ATR: variants seen among roughly 807,000 people sequenced by gnomAD.
The protein encoded by ATR is serine/threonine-protein kinase ATR.
ATR carries 142 observed loss-of-function variants against 305.3 expected under a neutral mutation model. The observed-to-expected ratio is 0.47, with a 90% CI of 0.41 to 0.53. The LOEUF is 0.53. Among genes scored for constraint, ATR ranks in the 20% least tolerant of loss-of-function variants. The pLI is 0.00. For missense variants in ATR, 2,135 were observed against 3,133.1 expected (o/e 0.68, Z 7.60); for synonymous variants, 1,050 against 1,068.1 (o/e 0.98, Z 0.33).
intron 1 of ATR, among the ~76,000 whole-genome samples, chr3:142,571,525 C>T (rs1488178294): frequency 6.6e-6 from 1 of 151,974 alleles, no homozygotes; most frequent in African/African-American, 2.4e-5. Context: ...AAGCAAGTAT[C>T]ATGTACACCC....
intron 28 of ATR, among the ~76,000 whole-genome samples, chr3:142,507,527 T>C (rs956291586): frequency 2.8e-4 from 43 of 152,252 alleles, no homozygotes; most frequent in African/African-American, 1.0e-3. Context: ...AAAAGTCTTC[T>C]ATTATTTGTG....
At chr3:142,452,981 T>C (rs2070825377) in intron 46 of ATR, 147 bp downstream of exon 46, 12 of 1,514,294 alleles carry the variant, frequency 7.9e-6, no homozygotes, top group African/African-American at 1.4e-5. Context: ...ATTGTGATAC[T>C]AGAGAACTAG....
rs975772949 is a variant in ATR, at chr3:142,515,317, T to G, written c.4503+78A>C. 6 of 1,548,926 alleles carry G rather than the reference T, an allele frequency of 3.9e-6. No homozygotes were observed. The African/African-American group carries it at 6.8e-5, about 18-fold the overall frequency. On this transcript the variant is annotated intron_variant, in intron 25 of 46. Transcript: ENST00000350721. ...CACAAATACTTCAATGATTATTGTG[T>G]GTGCTAGGCATTCAGATAGATGTTC... is the stretch of plus-strand genomic sequence containing the variant.
At chr3:142,558,507 G>A (rs982581240) in intron 8 of ATR, 117 bp downstream of exon 8, 2 of 928,450 alleles carry the variant, frequency 2.2e-6, no homozygotes, top group Non-Finnish European at 2.8e-6. Context: ...GGGCGACAGA[G>A]TAAGACTCCG....
chr3:142,512,066 C>T (rs1301752064), intron 27 of ATR, among the ~76,000 whole-genome samples, 194 bp downstream of exon 27: 2 of 151,742 alleles, frequency 1.3e-5, no homozygotes, highest in African/African-American at 2.4e-5. Flanking sequence ...TGCAGTGAGC[C>T]GAGGTCACGC....
chr3:142,534,956 A>T, intron 21 of ATR, 124 bp downstream of exon 21: 1 of 1,085,754 alleles, frequency 9.2e-7, no homozygotes, highest in Non-Finnish European at 1.3e-6. Flanking sequence ...AGATCTGATA[A>T]TTCAGGTAAA....
chr3:142,461,820 C>A (rs2071028058), intron 42 of ATR, 120 bp downstream of exon 42: 1 of 1,087,544 alleles, frequency 9.2e-7, no homozygotes, highest in South Asian at 1.5e-5. Context: ...TATATAAAAT[C>A]TAGAAATTTC....
chr3:142,457,707 T>C lies in ATR; in HGVS notation c.7552A>G (p.Asn2518Asp). 1 of 1,614,060 alleles carries C rather than the reference T, an allele frequency of 6.2e-7. No homozygotes were observed. Residue 2518 changes from asparagine (N) to aspartate (D), a missense_variant, in exon 45 of 47, where the codon AAT becomes GAT. Transcript: ENST00000350721. The stretch of plus-strand genomic sequence containing the variant: ...ATAGGACCCATTCCATTAACCATAT[T>C]ATGAGTCAGGCGAAATGGCACAATT... ...PEIVPFRLTH[N>D]MVNGMGPMGT... is the part of the protein sequence containing the mutation.
chr3:142,569,062 G>C (rs2035174093), intron 1 of ATR, among the ~76,000 whole-genome samples: 1 of 152,146 alleles, frequency 6.6e-6, no homozygotes, highest in Non-Finnish European at 1.5e-5. Flanking sequence ...TTGAAGCCTG[G>C]AAGCCTGGCT....
intron 8 of ATR, 59 bp downstream of exon 8, chr3:142,558,565 G>A (rs376644276): frequency 7.5e-5 from 95 of 1,263,956 alleles, no homozygotes; most frequent in African/African-American, 5.2e-4. Context: ...TAAATAGATA[G>A]ATAGATAGAT....
At chr3:142,502,837 A>C (rs1445190023) in intron 30 of ATR, among the ~76,000 whole-genome samples, 2 of 152,242 alleles carry the variant, frequency 1.3e-5, no homozygotes, top group African/African-American at 2.4e-5. Context: ...TTTAATCTCC[A>C]AACTGGAAGA....
At chr3:142,486,084 T>C (rs974543955) in intron 35 of ATR, among the ~76,000 whole-genome samples, 1 of 152,268 alleles carries the variant, frequency 6.6e-6, no homozygotes, top group Non-Finnish European at 1.5e-5. Context: ...TCATTTCTTT[T>C]TGCTGTTCCT....
rs2108494753 is a variant in ATR at position 142,566,287 on chromosome 3, G to C, written c.152-26C>G. 3.7e-6 allele frequency: 6 copies of C among 1,610,256 alleles called. 1 individual carries two copies. In the South Asian group the frequency reaches 5.5e-5, roughly 15 times the overall value. On this transcript the variant is annotated intron_variant, in intron 2 of 46. Coordinates refer to ENST00000350721, the MANE Select transcript of ATR (RefSeq NM_001184.4). ...CTAAAACAATAAGATTCATTTTAAA[G>C]AGTCATGACAAATTAAACAATGGTC...
At chr3:142,567,581 T>C (rs2035117828) in intron 2 of ATR, among the ~76,000 whole-genome samples, 1 of 152,158 alleles carries the variant, frequency 6.6e-6, no homozygotes, top group Non-Finnish European at 1.5e-5. Flanking sequence ...TCTTGCCAGG[T>C]TGGTAATATT....
Position 142,514,590 on chromosome 3 carries a change from C to T in ATR, c.4503+805G>A, listed in dbSNP as rs573611001. On this transcript the variant is annotated intron_variant, in intron 25 of 46. Transcript: ENST00000350721. ...CGGAGCTTGCAGTGAGCTGAGATCG[C>T]GCCACTGCACTCCAGCCTGGGCGAC... Among the ~76,000 whole-genome samples the T allele has an allele frequency of 1.0e-3, 151 of 150,248 alleles. 2 individuals carry two copies. The highest frequency in any genetic ancestry group is 3.5e-3 in the African/African-American group (143 of 40,938).
chr3:142,507,925 T>G lies in ATR; in HGVS notation c.5031+6A>C. 1 of 1,584,330 alleles carries G rather than the reference T, an allele frequency of 6.3e-7. No homozygotes were observed. Among genetic ancestry groups the G allele is most frequent in the Middle Eastern group, 1.7e-4 (1 of 5,954 alleles). ...CATTATTAAATTCACTATATTAACT[T>G]CAGACCTGTAAAAATCCAAGATGTT... is the stretch of plus-strand genomic sequence containing the variant. On this transcript the variant is annotated splice_donor_region_variant and intron_variant, in intron 28 of 46. Coordinates refer to ENST00000350721, the MANE Select transcript of ATR (RefSeq NM_001184.4).
At chr3:142,528,986 C>T (rs1160206242) in intron 21 of ATR, among the ~76,000 whole-genome samples, 3 of 144,508 alleles carry the variant, frequency 2.1e-5, no homozygotes, top group East Asian at 2.1e-4. Flanking sequence ...CGGGTTCAAG[C>T]GATTCTCCTG....
At chr3:142,531,345 G>C (rs989287360) in intron 21 of ATR, among the ~76,000 whole-genome samples, 9 of 151,976 alleles carry the variant, frequency 5.9e-5, no homozygotes, top group African/African-American at 2.2e-4. Context: ...ATGTTGGTGT[G>C]CTGCACCCAT....
chr3:142,559,073 T>C, intron 7 of ATR, 178 bp downstream of exon 7: 2 of 689,046 alleles, frequency 2.9e-6, no homozygotes, highest in Non-Finnish European at 4.7e-6. Context: ...ATCAAAATAT[T>C]ATGCACATAA....
Sources: allele counts gnomAD v4.1 joint callset (sites outside exome capture counted in the v4.1 genomes callset), GRCh38; gene constraint gnomAD v4.1.1; transcripts MANE v1.5; gene names NCBI Gene and HGNC (gene_info 2026-07-23, HGNC 2026-07-21).